Variants in C1QTNF7 observed in about 807,000 individuals in gnomAD.
C1QTNF7 encodes the protein complement C1q tumor necrosis factor-related protein 7.
Under a neutral mutation model 19.6 loss-of-function variants are expected in C1QTNF7, and 15 were observed. The ratio of observed to expected loss-of-function variants is 0.76; its 90% CI spans 0.51 to 1.18. C1QTNF7 has a LOEUF of 1.18. Among genes scored for constraint, C1QTNF7 ranks in the 50% most tolerant of loss-of-function variants. The pLI is 0.00. For synonymous variants in C1QTNF7, 142 were observed against 137.5 expected (o/e 1.03, Z -0.23); for missense variants, 324 against 359.7 (o/e 0.90, Z 0.80).
chr4:15,342,525 G>A (rs892435360), intron 1 of C1QTNF7, among the ~76,000 whole-genome samples: 2 of 152,218 alleles, frequency 1.3e-5, no homozygotes, highest in Admixed American at 1.3e-4. Flanking sequence ...GAACACAGAG[G>A]GGCTTTGCAA....
intron 1 of C1QTNF7, among the ~76,000 whole-genome samples, chr4:15,407,554 T>C (rs1296585843): frequency 6.6e-6 from 1 of 152,190 alleles, no homozygotes; most frequent in Non-Finnish European, 1.5e-5. Flanking sequence ...ACTGTCATTC[T>C]AGAACCATTG....
At chr4:15,410,283 T>C (rs983859330) in intron 1 of C1QTNF7, among the ~76,000 whole-genome samples, 2 of 152,178 alleles carry the variant, frequency 1.3e-5, no homozygotes, top group Non-Finnish European at 2.9e-5. Flanking sequence ...ATATGGGAAA[T>C]AGAAAGTAGG....
chr4:15,442,362 G>C lies in C1QTNF7; in HGVS notation c.433G>C (p.Val145Leu). Residue 145 changes from valine to leucine, a missense_variant, in exon 3 of 3, where the codon GTG (valine) becomes CTG (leucine). Coordinates refer to ENST00000444304, the MANE Select transcript of C1QTNF7 (RefSeq NM_031911.5). ...TGGAGTTTGCAGATGTGGAAGCATC[G>C]TGCTCAAATCCGCCTTTTCTGTTGG... is the stretch of plus-strand genomic sequence containing the variant. ...LPGVCRCGSI[V>L]LKSAFSVGIT... The C allele has an allele frequency of 6.2e-7, 1 of 1,614,124 alleles. No individual in the cohort carries two copies. Among genetic ancestry groups the C allele is most frequent in the Non-Finnish European group, 8.5e-7 (1 of 1,180,024 alleles).
chr4:15,380,739 A>C (rs1718109671), intron 1 of C1QTNF7, among the ~76,000 whole-genome samples: 1 of 152,078 alleles, frequency 6.6e-6, no homozygotes, highest in African/African-American at 2.4e-5. Context: ...GTTTGAGACA[A>C]GCCTGGCCAA....
At chr4:15,373,524 C>G (rs1345105549) in intron 1 of C1QTNF7, among the ~76,000 whole-genome samples, 2 of 152,156 alleles carry the variant, frequency 1.3e-5, no homozygotes, top group African/African-American at 4.8e-5. Context: ...CTAACCACAA[C>G]AAAATGAGGT....
intron 1 of C1QTNF7, among the ~76,000 whole-genome samples, chr4:15,370,566 T>G (rs890073567): frequency 2.6e-5 from 4 of 152,208 alleles, no homozygotes; most frequent in African/African-American, 9.7e-5. Context: ...GGGATGGTGC[T>G]GAGTTGAAAA....
At chr4:15,431,573 C>T (rs923045789) in intron 1 of C1QTNF7, among the ~76,000 whole-genome samples, 1 of 152,172 alleles carries the variant, frequency 6.6e-6, no homozygotes, top group Non-Finnish European at 1.5e-5. Context: ...ATTTGTATTT[C>T]TCAAACACTG....
intron 1 of C1QTNF7, among the ~76,000 whole-genome samples, chr4:15,432,507 T>C (rs1712359263): frequency 6.6e-6 from 1 of 152,226 alleles, no homozygotes; most frequent in Admixed American, 6.5e-5. Context: ...GTGATTCTCC[T>C]GCCTCAGCCT....
intron 1 of C1QTNF7, among the ~76,000 whole-genome samples, chr4:15,405,178 G>A (rs936493558): frequency 6.6e-6 from 1 of 152,170 alleles, no homozygotes; most frequent in Non-Finnish European, 1.5e-5. Flanking sequence ...AGGGAATGAA[G>A]CTGTTTCCCT....
chr4:15,341,676 G>A (rs961112004), intron 1 of C1QTNF7, among the ~76,000 whole-genome samples: 1 of 152,168 alleles, frequency 6.6e-6, no homozygotes, highest in African/African-American at 2.4e-5. Context: ...GGAGCAGTGG[G>A]TCGGACACAC....
At chr4:15,414,554 T>C (rs886157040) in intron 1 of C1QTNF7, among the ~76,000 whole-genome samples, 3 of 151,728 alleles carry the variant, frequency 2.0e-5, no homozygotes, top group African/African-American at 7.3e-5. Context: ...AAAAAGAGAG[T>C]TCTGCCTGCA....
intron 1 of C1QTNF7, among the ~76,000 whole-genome samples, chr4:15,418,057 A>G (rs922148816): frequency 6.6e-6 from 1 of 152,186 alleles, no homozygotes; most frequent in Non-Finnish European, 1.5e-5. Flanking sequence ...ATGAGCCCGC[A>G]TGGACAAGTG....
At chr4:15,388,865 A>C (rs1718445956) in intron 1 of C1QTNF7, among the ~76,000 whole-genome samples, 1 of 152,162 alleles carries the variant, frequency 6.6e-6, no homozygotes, top group Non-Finnish European at 1.5e-5. Flanking sequence ...ATCCAGGAGG[A>C]CTAGTGAGTG....
At chr4:15,360,702 T>C (rs1452336475) in intron 1 of C1QTNF7, among the ~76,000 whole-genome samples, 3 of 152,166 alleles carry the variant, frequency 2.0e-5, no homozygotes, top group African/African-American at 4.8e-5. Flanking sequence ...AAGTAGAACA[T>C]TGTCGTCTTT....
At chr4:15,422,775 A>T (rs978598260) in intron 1 of C1QTNF7, among the ~76,000 whole-genome samples, 4 of 151,274 alleles carry the variant, frequency 2.6e-5, no homozygotes, top group Non-Finnish European at 5.9e-5. Flanking sequence ...CTGGTTTTTT[A>T]TTTCTTTTTT....
Position 15,400,602 on chromosome 4 carries a change from G to A in C1QTNF7, c.14-35134G>A, listed in dbSNP as rs9996159. 4.9e-3 allele frequency among the ~76,000 whole-genome samples: 740 copies of A among 152,150 alleles called. 5 individuals carry two copies. Among genetic ancestry groups the A allele is most frequent in the African/African-American group, 0.017 (717 of 41,504 alleles). Reference sequence around the variant, plus strand: ...TCAGTGTCCTGGCTGGATGATGAACGGTCTGCTCTGATCCATACCTTCCAG... The same window carrying A: ...TCAGTGTCCTGGCTGGATGATGAACAGTCTGCTCTGATCCATACCTTCCAG... On this transcript the variant is annotated intron_variant, in intron 1 of 2. Coordinates refer to the C1QTNF7 transcript ENST00000295297.
Position 15,442,467 on chromosome 4 carries a change from C to T in C1QTNF7, c.538C>T (p.Pro180Ser), listed in dbSNP as rs1446745101. ...VLFNEGEHYNPATGKFICAFP... is the reference protein window; with the variant it reads ...VLFNEGEHYNSATGKFICAFP... ...CTTCAACGAGGGAGAGCACTACAAC[C>T]CTGCCACAGGGAAGTTCATCTGTGC... is the stretch of plus-strand genomic sequence containing the variant. The change falls in exon 3 of 3, where the codon CCT becomes TCT. Residue 180 changes from proline to serine, a missense_variant. By Grantham distance (74) the Pro-to-Ser change is moderately conservative (BLOSUM62 -1). Coordinates refer to ENST00000444304, the MANE Select transcript of C1QTNF7 (RefSeq NM_031911.5). 6.2e-7 allele frequency: 1 copy of T among 1,614,018 alleles called. No individual in the cohort carries two copies. Among genetic ancestry groups the T allele is most frequent in the African/African-American group, 1.3e-5 (1 of 74,904 alleles).
rs148019092 is a variant in C1QTNF7 at position 15,355,943 on chromosome 4, T to C, written c.13+15736T>C. Among the ~76,000 whole-genome samples the C allele has an allele frequency of 3.2e-3, 492 of 152,218 alleles. 1 individual carries two copies. The highest frequency in any genetic ancestry group is 0.011 in the African/African-American group (462 of 41,540). ...CCCAGTCATAGCTCACTGCAGCCTC[T>C]AACTCCTGGGCTCAAACACTCCTCA... On this transcript the variant is annotated intron_variant, in intron 1 of 2. Transcript: ENST00000295297.
chr4:15,425,289 C>T (rs1711986430), upstream of C1QTNF7, among the ~76,000 whole-genome samples: 2 of 152,048 alleles, frequency 1.3e-5, no homozygotes, highest in Admixed American at 1.3e-4. Flanking sequence ...AGCCAGTGAG[C>T]TAAAGTGCAT....
Sources: gnomAD v4.1 joint callset for allele counts (sites outside exome capture counted in the v4.1 genomes callset) on GRCh38, gnomAD v4.1.1 for gene constraint, MANE v1.5 for transcripts, NCBI Gene and HGNC (gene_info 2026-07-23, HGNC 2026-07-21) for gene names.